The following IKBKB variants were observed in gnomAD, a reference collection of about 807,000 sequenced individuals.
IKBKB encodes inhibitor of nuclear factor kappa B kinase subunit beta.
Under a neutral mutation model 113.6 loss-of-function variants are expected in IKBKB, and 42 were observed. The observed-to-expected ratio is 0.37, with a 90% CI of 0.29 to 0.48. The LOEUF (loss-of-function observed/expected upper bound fraction) is 0.48, where lower values mean the gene tolerates loss of function less well. Ranked by LOEUF, IKBKB falls within the 20% of genes least tolerant of loss-of-function variation. The pLI is 0.99. For missense variants in IKBKB, 673 were observed against 939.7 expected, an observed-to-expected ratio of 0.72 and a Z score of 3.71; for synonymous variants, 296 against 361.3, an observed-to-expected ratio of 0.82 and a Z score of 2.05.
intron 9 of IKBKB, among the ~76,000 whole-genome samples, chr8:42,315,113 A>G (rs796622095): frequency 9.8e-5 from 15 of 152,314 alleles, no homozygotes; most frequent in African/African-American, 3.6e-4. Flanking sequence ...ATTCTGTGTC[A>G]CAGTCAACAA....
intron 2 of IKBKB, among the ~76,000 whole-genome samples, chr8:42,288,311 C>T (rs1355544259): frequency 3.3e-5 from 5 of 151,534 alleles, no homozygotes; most frequent in Admixed American, 1.3e-4. Flanking sequence ...CACTTGAACA[C>T]GGGAGGTGGA....
chr8:42,288,744 A>G lies in IKBKB; in HGVS notation c.200+16A>G, dbSNP rs781336980. ...TCATGAGAAGGTGAGGGCCTCGCGCATAGGGACCCAAGGGAAAGCTGGAGC... is the reference window on the plus strand; with the variant it reads ...TCATGAGAAGGTGAGGGCCTCGCGCGTAGGGACCCAAGGGAAAGCTGGAGC... On this transcript the variant is annotated intron_variant, in intron 3 of 21. Coordinates refer to ENST00000520810, the MANE Select transcript of IKBKB (RefSeq NM_001556.3). 45 of 1,590,348 alleles carry G rather than the reference A, an allele frequency of 2.8e-5. No individual in the cohort carries two copies. Among genetic ancestry groups the G allele is most frequent in the Admixed American group, 2.1e-4 (12 of 58,236 alleles).
intron 8 of IKBKB, among the ~76,000 whole-genome samples, chr8:42,313,538 A>G (rs1233929906): frequency 6.6e-6 from 1 of 152,222 alleles, no homozygotes; most frequent in Non-Finnish European, 1.5e-5. Context: ...TTAGCTGTGT[A>G]CATTTAGAGG....
Position 42,308,939 on chromosome 8 carries a change from C to T in IKBKB, c.606C>T (p.Thr202=), listed in dbSNP as rs765015512. 52 of 1,613,984 alleles carry T rather than the reference C, an allele frequency of 3.2e-5. 1 individual carries two copies. The Middle Eastern group carries it at 2.3e-3, about 71-fold the overall frequency. Reference sequence around the variant, plus strand: ...TGGAGCAGCAGAAGTACACAGTGACCGTCGACTACTGGAGCTTCGGCACCC... The same window carrying T: ...TGGAGCAGCAGAAGTACACAGTGACTGTCGACTACTGGAGCTTCGGCACCC... ...ELLEQQKYTV[T]VDYWSFGTLA... is the part of the protein sequence containing the mutation. The change falls in exon 8 of 22, where the codon ACC becomes ACT. Residue 202 remains threonine (T), a synonymous_variant. Transcript: ENST00000520810.
chr8:42,331,048 C>T lies in IKBKB; in HGVS notation c.*69C>T. ...GCCTTGTGCAGTGGGGGGACTCGAC[C>T]CCCTGACATGGGGCTGCCTGGAGCA... On this transcript the variant is annotated 3_prime_UTR_variant, in exon 22 of 22. Coordinates refer to ENST00000520810, the MANE Select transcript of IKBKB (RefSeq NM_001556.3). The T allele has an allele frequency of 6.3e-7, 1 of 1,592,490 alleles. No homozygotes were observed. Among genetic ancestry groups the T allele is most frequent in the East Asian group, 2.2e-5 (1 of 44,662 alleles).
rs112502033 is a variant in IKBKB at position 42,276,208 on chromosome 8, C to G, written c.105+4003C>G. On this transcript the variant is annotated intron_variant, in intron 2 of 21. Transcript: ENST00000520810. ...TGGCTGTGCTAATTTACATTCCCAC[C>G]AATAGTGTATAGAGTTCCGCTTTCT... 4.1e-3 allele frequency among the ~76,000 whole-genome samples: 632 copies of G among 152,314 alleles called. 8 individuals are homozygous for G. The highest frequency in any genetic ancestry group is 0.014 in the African/African-American group (584 of 41,564).
chr8:42,315,011 G>A (rs555348427), intron 9 of IKBKB, among the ~76,000 whole-genome samples: 11 of 152,010 alleles, frequency 7.2e-5, no homozygotes, highest in Non-Finnish European at 1.5e-4. Context: ...ATCACATTCG[G>A]TTTTGCATAG....
chr8:42,298,902 A>C (rs1009435450), intron 5 of IKBKB, among the ~76,000 whole-genome samples: 2 of 151,844 alleles, frequency 1.3e-5, no homozygotes, highest in Non-Finnish European at 2.9e-5. Flanking sequence ...TCTCATCTCC[A>C]CTGCCTGCCC....
intron 8 of IKBKB, among the ~76,000 whole-genome samples, chr8:42,310,404 T>C (rs1477191949): frequency 2.0e-5 from 3 of 152,212 alleles, no homozygotes; most frequent in African/African-American, 4.8e-5. Flanking sequence ...GTTCGTATCT[T>C]CCAGGGGTGT....
chr8:42,303,637 T>C (rs1274628610), intron 5 of IKBKB, among the ~76,000 whole-genome samples: 4 of 152,124 alleles, frequency 2.6e-5, no homozygotes, highest in Non-Finnish European at 4.4e-5. Context: ...CCCGAGTAGC[T>C]GGGATTACAG....
chr8:42,282,340 C>CT lies in IKBKB; in HGVS notation c.106-6293dup, dbSNP rs1398899606. On this transcript the variant is annotated intron_variant, in intron 2 of 21. Coordinates refer to ENST00000520810, the MANE Select transcript of IKBKB (RefSeq NM_001556.3). ...ACCTCAGCCTCCCAAGTAGCTGGGA[C>CT]TACAGGCATCTACTACTATGCCTGG... 5.9e-5 allele frequency among the ~76,000 whole-genome samples: 9 copies of CT among 152,276 alleles called. No individual in the cohort carries two copies. In the East Asian group the frequency reaches 1.7e-3, roughly 29 times the overall value.
intron 9 of IKBKB, among the ~76,000 whole-genome samples, chr8:42,315,180 CAATT>C (rs948832291): frequency 6.6e-6 from 1 of 152,152 alleles, no homozygotes; most frequent in South Asian, 2.1e-4. Context: ...AGAATCTAAA[CAATT>C]AATAATATTG....
At chr8:42,305,123 T>G in intron 5 of IKBKB, 64 bp from the exon 6 acceptor site, 1 of 1,032,058 alleles carries the variant, frequency 9.7e-7, no homozygotes, top group Non-Finnish European at 1.5e-6. Context: ...TTTTGCAGGA[T>G]AGGAGATTCT....
intron 20 of IKBKB, 82 bp from the exon 21 acceptor site, chr8:42,329,040 ACT>A (rs1435386243): frequency 2.7e-5 from 29 of 1,067,278 alleles, no homozygotes; most frequent in South Asian, 1.9e-4. Flanking sequence ...TATTATCAAA[ACT>A]CTCTAGCATA....
At chr8:42,292,954 G>A (rs1201654406) in intron 4 of IKBKB, among the ~76,000 whole-genome samples, 1 of 152,162 alleles carries the variant, frequency 6.6e-6, no homozygotes, top group Non-Finnish European at 1.5e-5. Flanking sequence ...GAGCTAATCT[G>A]TGCAGAGCTC....
intron 16 of IKBKB, 94 bp downstream of exon 16, chr8:42,320,938 C>T (rs1003714547): frequency 5.2e-5 from 36 of 687,276 alleles, no homozygotes; most frequent in Admixed American, 3.2e-4. Flanking sequence ...AGTGGCTGTG[C>T]GGGACCATTC....
Position 42,331,505 on chromosome 8 carries a change from G to T in IKBKB, c.*526G>T. 1.5e-6 allele frequency: 1 copy of T among 669,262 alleles called. No individual in the cohort carries two copies. Among genetic ancestry groups the T allele is most frequent in the Non-Finnish European group, 2.7e-6 (1 of 367,598 alleles). The allele number at this position is 669,262 out of a possible 1,614,324, so 41.5% of individuals were successfully genotyped here. On this transcript the variant is annotated 3_prime_UTR_variant, in exon 22 of 22. Coordinates refer to ENST00000520810, the MANE Select transcript of IKBKB (RefSeq NM_001556.3). The stretch of plus-strand genomic sequence containing the variant: ...CACTTTACAGCTTGTGTTTCTTCTG[G>T]ATTCAGCTTCTCCTAAACAGACAGT...
intron 8 of IKBKB, among the ~76,000 whole-genome samples, chr8:42,313,659 G>A (rs1210416720): frequency 6.6e-6 from 1 of 152,204 alleles, no homozygotes; most frequent in Non-Finnish European, 1.5e-5. Context: ...ACACAAGAGT[G>A]TGTAATAGAT....
chr8:42,327,061 C>T (rs1036896473), intron 20 of IKBKB, among the ~76,000 whole-genome samples: 3 of 152,138 alleles, frequency 2.0e-5, no homozygotes, highest in African/African-American at 4.8e-5. Flanking sequence ...TCTGTAAATA[C>T]GCGAAAACCC....
Sources: allele counts gnomAD v4.1 joint callset (sites outside exome capture counted in the v4.1 genomes callset), GRCh38; gene constraint gnomAD v4.1.1; transcripts MANE v1.5; gene names NCBI Gene and HGNC (gene_info 2026-07-23, HGNC 2026-07-21).